The following RPSA2 variants were observed in gnomAD, a reference collection of about 807,000 sequenced individuals.
RPSA2 encodes the protein small ribosomal subunit protein uS2B.
the RPSA2 span, among the ~76,000 whole-genome samples, chr19:23,761,932 TTTTGA>T: frequency 1.1e-4 from 6 of 53,070 alleles, 2 homozygotes; most frequent in African/African-American, 1.9e-4. Context: ...TTTTTTTTTT[TTTTGA>T]GATGGAGTCT....
At chr19:23,837,459 C>A in the RPSA2 span, among the ~76,000 whole-genome samples, 4 of 149,224 alleles carry the variant, frequency 2.7e-5, no homozygotes, top group Non-Finnish European at 4.5e-5. Context: ...ATATGGGCTT[C>A]GTATGATTTT....
At chr19:23,859,723 C>A in the RPSA2 span, among the ~76,000 whole-genome samples, 2 of 152,098 alleles carry the variant, frequency 1.3e-5, no homozygotes, top group African/African-American at 2.4e-5. Flanking sequence ...TTTGGCATGC[C>A]CATTACAGTA....
At chr19:23,869,189 T>TCCCCCATGTCC in the RPSA2 span, among the ~76,000 whole-genome samples, 1 of 152,120 alleles carries the variant, frequency 6.6e-6, no homozygotes, top group Non-Finnish European at 1.5e-5. Flanking sequence ...CCCCTATGTC[T>TCCCCCATGTCC]GGCTCCCCCG....
the RPSA2 span, among the ~76,000 whole-genome samples, chr19:23,855,568 A>C: frequency 6.6e-6 from 1 of 152,190 alleles, no homozygotes; most frequent in Non-Finnish European, 1.5e-5. Context: ...AAGTTTCAAG[A>C]GCAGGAACAT....
the RPSA2 span, among the ~76,000 whole-genome samples, chr19:23,846,364 C>T: frequency 0.048 from 7,289 of 151,720 alleles, 318 homozygotes; most frequent in South Asian, 0.079. Context: ...TAATTATTGC[C>T]TTGTTTTATT....
At chr19:23,866,792 T>C in the RPSA2 span, among the ~76,000 whole-genome samples, 1 of 152,254 alleles carries the variant, frequency 6.6e-6, no homozygotes, top group African/African-American at 2.4e-5. Context: ...AGAGATAGAA[T>C]TACATTAGTT....
the RPSA2 span, among the ~76,000 whole-genome samples, chr19:23,794,413 GTGGTT>G: frequency 6.6e-6 from 1 of 152,104 alleles, no homozygotes; most frequent in Non-Finnish European, 1.5e-5. Flanking sequence ...ATGGCATCTT[GTGGTT>G]TTTCTTTGCA....
chr19:23,841,333 G>A, the RPSA2 span, among the ~76,000 whole-genome samples: 1 of 151,564 alleles, frequency 6.6e-6, no homozygotes, highest in African/African-American at 2.4e-5. Flanking sequence ...GCGTGGTGGT[G>A]GGCACCTGTA....
the RPSA2 span, among the ~76,000 whole-genome samples, chr19:23,826,525 CA>C: frequency 6.6e-6 from 1 of 151,922 alleles, no homozygotes; most frequent in African/African-American, 2.4e-5. Flanking sequence ...GTTTTGCAAA[CA>C]CCACTCTGTT....
the RPSA2 span, among the ~76,000 whole-genome samples, chr19:23,863,581 AAAAG>A: frequency 6.8e-6 from 1 of 147,114 alleles, no homozygotes; most frequent in South Asian, 2.2e-4. Context: ...AAAAAAAAAA[AAAAG>A]GCACTCTAGA....
At chr19:23,779,711 G>A in the RPSA2 span, among the ~76,000 whole-genome samples, 1 of 152,258 alleles carries the variant, frequency 6.6e-6, no homozygotes, top group East Asian at 1.9e-4. Context: ...CTTTGGCCTC[G>A]TCCTGTCCAC....
the RPSA2 span, among the ~76,000 whole-genome samples, chr19:23,789,987 T>C: frequency 6.6e-6 from 1 of 152,020 alleles, no homozygotes; most frequent in African/African-American, 2.4e-5. Flanking sequence ...CCCCAGCTTC[T>C]TTTTTGTATG....
chr19:23,852,742 T>C, the RPSA2 span, among the ~76,000 whole-genome samples: 1 of 152,202 alleles, frequency 6.6e-6, no homozygotes, highest in Non-Finnish European at 1.5e-5. Context: ...ATGGCCAGTC[T>C]TGGGGCCAGT....
the RPSA2 span, among the ~76,000 whole-genome samples, chr19:23,854,224 A>G: frequency 1.3e-5 from 2 of 152,204 alleles, no homozygotes; most frequent in Non-Finnish European, 2.9e-5. Context: ...TTCCTTTAGC[A>G]GAGGTGGATG....
the RPSA2 span, among the ~76,000 whole-genome samples, chr19:23,806,047 C>CTTTTTTT: frequency 2.4e-5 from 3 of 126,410 alleles, no homozygotes; most frequent in African/African-American, 3.0e-5. Context: ...TTCTTTCTTT[C>CTTTTTTT]TTTTTTTTTT....
At chr19:23,865,078 C>A in the RPSA2 span, among the ~76,000 whole-genome samples, 1 of 152,146 alleles carries the variant, frequency 6.6e-6, no homozygotes, top group Non-Finnish European at 1.5e-5. Context: ...TGAATAGGGA[C>A]TTCGAGGAAG....
At chr19:23,815,528 G>A in the RPSA2 span, among the ~76,000 whole-genome samples, 1 of 152,144 alleles carries the variant, frequency 6.6e-6, no homozygotes, top group African/African-American at 2.4e-5. Flanking sequence ...AACCATGATT[G>A]TAAGCTTGCT....
the RPSA2 span, among the ~76,000 whole-genome samples, chr19:23,866,692 A>G: frequency 6.6e-6 from 1 of 151,912 alleles, no homozygotes; most frequent in Non-Finnish European, 1.5e-5. Context: ...TCAGACCACA[A>G]CCCCACTTCA....
the RPSA2 span, chr19:23,827,520 G>A: frequency 0.019 from 30,585 of 1,596,900 alleles, 1,463 homozygotes; most frequent in Admixed American, 0.15. Context: ...TGGGAGCCAC[G>A]GCTTCTTGTG....
Sources: gnomAD v4.1 joint callset for allele counts (sites outside exome capture counted in the v4.1 genomes callset) on GRCh38, gnomAD v4.1.1 for gene constraint, MANE v1.5 for transcripts, NCBI Gene and HGNC (gene_info 2026-07-23, HGNC 2026-07-21) for gene names.